The following XPO4 variants were observed in gnomAD, a reference collection of about 807,000 sequenced individuals.
XPO4 encodes exportin 4.
In XPO4, 39 loss-of-function variants were observed where a neutral mutation model predicts 143.0. The ratio of observed to expected loss-of-function variants is 0.27; its 90% CI spans 0.21 to 0.36. XPO4 has a LOEUF of 0.36. XPO4 is among the 10% of genes least tolerant of loss of function. The pLI, the probability that XPO4 is intolerant of heterozygous loss-of-function variation, is 1.00. For synonymous variants in XPO4, 439 were observed against 474.0 expected (o/e 0.93, Z 0.96); for missense variants, 907 against 1,348.0 (o/e 0.67, Z 5.12).
chr13:20,899,016 T>C (rs1339083351), intron 1 of XPO4, among the ~76,000 whole-genome samples: 1 of 151,976 alleles, frequency 6.6e-6, no homozygotes, highest in Non-Finnish European at 1.5e-5. Context: ...AAAATATTTT[T>C]AAAAAATTAC....
intron 16 of XPO4, among the ~76,000 whole-genome samples, chr13:20,797,946 C>A (rs868180026): frequency 2.0e-5 from 3 of 152,136 alleles, no homozygotes; most frequent in Non-Finnish European, 4.4e-5. Context: ...GGTCAGGAGA[C>A]CAGCCTGGCC....
intron 1 of XPO4, among the ~76,000 whole-genome samples, chr13:20,895,941 C>A (rs1320284982): frequency 6.6e-6 from 1 of 152,140 alleles, no homozygotes; most frequent in African/African-American, 2.4e-5. Context: ...GCAAAGTACA[C>A]TACAGTAAAC....
chr13:20,853,486 G>A (rs2060111514), intron 4 of XPO4, among the ~76,000 whole-genome samples: 1 of 151,952 alleles, frequency 6.6e-6, no homozygotes, highest in African/African-American at 2.4e-5. Context: ...ATTACACCCT[G>A]TCTCTTAAAT....
chr13:20,851,550 A>T (rs1420879089), intron 4 of XPO4: 14 of 605,006 alleles, frequency 2.3e-5, no homozygotes, highest in Admixed American at 6.4e-5. Context: ...CTCTACAACA[A>T]TACAAAAAAT....
chr13:20,837,699 C>T (rs562292168), intron 6 of XPO4, among the ~76,000 whole-genome samples: 5 of 152,016 alleles, frequency 3.3e-5, no homozygotes, highest in Admixed American at 1.3e-4. Flanking sequence ...TGGGGACACA[C>T]GGAACAATCA....
At position 20,809,236 on chromosome 13, in the gene XPO4, TA is replaced by T. The variant is rs774242842; in HGVS notation, c.1351-12del. The stretch of plus-strand genomic sequence containing the variant: ...CACACCATTGGCAGTCTATTGCAAG[TA>T]AAAGAAATAAACAATGAGGAACTGC... On this transcript the variant is annotated splice_polypyrimidine_tract_variant and intron_variant, in intron 10 of 22. Coordinates refer to ENST00000255305, the MANE Select transcript of XPO4 (RefSeq NM_022459.5). 8.7e-6 allele frequency: 14 copies of T among 1,611,292 alleles called. No homozygotes were observed. In the East Asian group the frequency reaches 2.5e-4, roughly 28 times the overall value.
At chr13:20,785,901 A>AGAAGGGAGGGAG (rs57419802) in intron 22 of XPO4, among the ~76,000 whole-genome samples, 1 of 126,392 alleles carries the variant, frequency 7.9e-6, no homozygotes. Flanking sequence ...AGAAAGAAAG[A>AGAAGGGAGGGAG]GGAGGGAGGA....
At chr13:20,895,375 T>C (rs1360856251) in intron 1 of XPO4, among the ~76,000 whole-genome samples, 1 of 152,156 alleles carries the variant, frequency 6.6e-6, no homozygotes, top group Non-Finnish European at 1.5e-5. Flanking sequence ...CTCACAGCTG[T>C]AATCCTAGCA....
chr13:20,898,312 C>T (rs759714762), intron 1 of XPO4, among the ~76,000 whole-genome samples: 14 of 152,114 alleles, frequency 9.2e-5, no homozygotes, highest in Non-Finnish European at 1.9e-4. Flanking sequence ...GCCTGTTAAT[C>T]CCAGCACTTT....
chr13:20,849,381 T>C (rs757418002), intron 4 of XPO4: 80 of 985,142 alleles, frequency 8.1e-5, no homozygotes, highest in Non-Finnish European at 9.0e-5. Context: ...AAATGCTAAA[T>C]TAAACAGCTT....
chr13:20,861,711 T>C (rs2060200143), intron 3 of XPO4, among the ~76,000 whole-genome samples: 1 of 150,866 alleles, frequency 6.6e-6, no homozygotes, highest in South Asian at 2.1e-4. Flanking sequence ...TCAAAACTCA[T>C]CCTATTTTCA....
At chr13:20,885,348 T>C (rs2138167756) in intron 1 of XPO4, among the ~76,000 whole-genome samples, 1 of 152,280 alleles carries the variant, frequency 6.6e-6, no homozygotes, top group South Asian at 2.1e-4. Context: ...GTTAAAATGT[T>C]TACTGTGGTC....
chr13:20,861,702 C>G (rs2138119366), intron 3 of XPO4, among the ~76,000 whole-genome samples: 1 of 151,100 alleles, frequency 6.6e-6, no homozygotes, highest in South Asian at 2.1e-4. Flanking sequence ...CCTCATTCCT[C>G]AAAACTCATC....
intron 2 of XPO4, chr13:20,865,543 A>G: frequency 1.0e-6 from 1 of 977,982 alleles, no homozygotes; most frequent in Non-Finnish European, 1.2e-6. Context: ...TTCATCTGCT[A>G]CCACAGTAAC....
In XPO4 at chr13:20,782,632, G is replaced by A. The variant is rs1429311563; in HGVS notation, c.*1090C>T. ...CATTTAGAGTAGATATGGGCTATGT[G>A]GCTGGATAGAAACACACTCAAAAAG... On this transcript the variant is annotated 3_prime_UTR_variant, in exon 23 of 23. Transcript: ENST00000255305. 1.3e-5 allele frequency: 2 copies of A among 152,610 alleles called. No individual in the cohort carries two copies. The highest frequency in any genetic ancestry group is 3.9e-4 in the East Asian group (2 of 5,180). 9.5% of individuals were successfully genotyped at this position (152,610 alleles called of 1,614,324 possible). A position where few individuals can be genotyped will look rare whatever the true frequency, so the allele number is the denominator to read the frequency against.
intron 3 of XPO4, among the ~76,000 whole-genome samples, chr13:20,858,181 C>A (rs968817718): frequency 1.7e-4 from 25 of 151,430 alleles, no homozygotes; most frequent in African/African-American, 5.6e-4. Context: ...ACCTACTGTA[C>A]CTAAATAAAG....
At chr13:20,852,441 C>T in intron 4 of XPO4, 3 of 985,284 alleles carry the variant, frequency 3.0e-6, no homozygotes, top group Non-Finnish European at 3.6e-6. Flanking sequence ...TCGATGATGA[C>T]CAACATTGGA....
chr13:20,805,158 T>C (rs551880981), intron 13 of XPO4, among the ~76,000 whole-genome samples: 87 of 152,104 alleles, frequency 5.7e-4, no homozygotes, highest in Non-Finnish European at 1.0e-3. Flanking sequence ...TTGCCCAGTC[T>C]GGTCTTGAAC....
At chr13:20,814,878 C>A (rs1390224588) in intron 9 of XPO4, among the ~76,000 whole-genome samples, 1 of 152,192 alleles carries the variant, frequency 6.6e-6, no homozygotes, top group Non-Finnish European at 1.5e-5. Flanking sequence ...GTATATAGAG[C>A]AATAAATTTG....
Sources: allele counts gnomAD v4.1 joint callset (sites outside exome capture counted in the v4.1 genomes callset), GRCh38; gene constraint gnomAD v4.1.1; transcripts MANE v1.5; gene names NCBI Gene and HGNC (gene_info 2026-07-23, HGNC 2026-07-21).